ANK1: variants seen among roughly 807,000 people sequenced by gnomAD.
The protein encoded by ANK1 is ankyrin-1.
Under a neutral mutation model 210.4 loss-of-function variants are expected in ANK1, and 51 were observed. The observed-to-expected ratio is 0.24, with a 90% confidence interval of 0.19 to 0.31. The LOEUF (loss-of-function observed/expected upper bound fraction) is 0.31. Ranked by LOEUF, ANK1 falls within the 10% of genes least tolerant of loss-of-function variation. The pLI is 1.00. For missense variants in ANK1, 2,051 were observed against 2,504.4 expected (o/e 0.82, Z 3.86); for synonymous variants, 967 against 1,025.9 (o/e 0.94, Z 1.10).
At chr8:41,716,919 C>T (rs372558511) in intron 13 of ANK1, 34 bp downstream of exon 13, 4 of 1,603,038 alleles carry the variant, frequency 2.5e-6, no homozygotes, top group East Asian at 2.2e-5. Context: ...CTGCTCACAT[C>T]TGAAACCCTT....
intron 12 of ANK1, among the ~76,000 whole-genome samples, chr8:41,717,281 ATGTG>A (rs896224952): frequency 2.0e-5 from 3 of 152,202 alleles, no homozygotes; most frequent in African/African-American, 7.2e-5. Flanking sequence ...ATATGAGTTT[ATGTG>A]TGTGTCTGTG....
chr8:41,792,959 T>C (rs757385412), intron 1 of ANK1, among the ~76,000 whole-genome samples: 8 of 152,216 alleles, frequency 5.3e-5, no homozygotes, highest in Non-Finnish European at 1.2e-4. Flanking sequence ...GACACAGCAG[T>C]GAACAAGGCA....
intron 1 of ANK1, among the ~76,000 whole-genome samples, chr8:41,881,186 T>C (rs60310037): frequency 0.11 from 16,301 of 152,232 alleles, 1,333 homozygotes; most frequent in East Asian, 0.24. Context: ...AGGCTGTGTC[T>C]TCTAGTCTAG....
In ANK1 at chr8:41,893,986, G is replaced by A. The variant is rs1587664853; in HGVS notation, c.126+2369C>T. Among the ~76,000 whole-genome samples, 3 of 152,008 alleles carry A rather than the reference G, an allele frequency of 2.0e-5. 1 individual carries two copies. The highest frequency in any genetic ancestry group is 1.9e-4 in the East Asian group (1 of 5,184). On this transcript the variant is annotated intron_variant, in intron 1 of 42. Transcript: ENST00000265709. ...TTCTTCAAATGCTCCTTTCTGCACT[G>A]CCTCCCTCACCTTTCCCTCTAGAGC...
In ANK1 at chr8:41,653,695, T is replaced by G. The variant is rs1804787471; in HGVS notation, c.*2095A>C. On this transcript the variant is annotated 3_prime_UTR_variant, in exon 43 of 43. Coordinates refer to ENST00000289734, the MANE Select transcript of ANK1 (RefSeq NM_000037.4). ...TCCCAGCCGCGCTGTGCGGCCCCCC[T>G]GCCGTGGCCCCCGGGATGGGGGAGG... is the stretch of plus-strand genomic sequence containing the variant. 6.6e-6 allele frequency: 1 copy of G among 152,268 alleles called. No homozygotes were observed. Among genetic ancestry groups the G allele is most frequent in the South Asian group, 2.1e-4 (1 of 4,834 alleles). The allele number at this position is 152,268 out of a possible 1,614,324, so 9.4% of individuals were successfully genotyped here.
intron 39 of ANK1, chr8:41,665,125 C>A (rs1469071050): frequency 9.0e-6 from 14 of 1,550,374 alleles, no homozygotes. Context: ...CCCCCAGGGA[C>A]CCCTTGCATT....
chr8:41,748,441 C>T (rs1360099437), intron 2 of ANK1, among the ~76,000 whole-genome samples: 1 of 152,310 alleles, frequency 6.6e-6, no homozygotes, highest in Non-Finnish European at 1.5e-5. Flanking sequence ...TAGCTCTAAC[C>T]TCCTTAGCTG....
intron 1 of ANK1, among the ~76,000 whole-genome samples, chr8:41,767,418 G>A (rs1224038024): frequency 3.3e-5 from 5 of 151,616 alleles, no homozygotes; most frequent in African/African-American, 1.2e-4. Flanking sequence ...CCCGGCTCCC[G>A]CTCCCCCTCC....
intron 37 of ANK1, among the ~76,000 whole-genome samples, chr8:41,682,204 C>T (rs544548797): frequency 3.0e-4 from 45 of 152,272 alleles, no homozygotes; most frequent in Non-Finnish European, 5.4e-4. Flanking sequence ...CCTCCAGCCC[C>T]GTCCTGTGAA....
At chr8:41,753,918 C>T (rs748642335) in intron 2 of ANK1, among the ~76,000 whole-genome samples, 1 of 152,164 alleles carries the variant, frequency 6.6e-6, no homozygotes, top group African/African-American at 2.4e-5. Context: ...TCTCTAAGAC[C>T]GGCATGTTCT....
intron 40 of ANK1, 127 bp downstream of exon 40, chr8:41,663,532 G>T: frequency 1.1e-6 from 1 of 925,944 alleles, no homozygotes; most frequent in East Asian, 2.5e-5. Context: ...CCTGAGCACG[G>T]GGGCAGCCAG....
chr8:41,690,125 C>G (rs1818854505), intron 33 of ANK1, 102 bp downstream of exon 33: 1 of 1,562,522 alleles, frequency 6.4e-7, no homozygotes, highest in African/African-American at 1.4e-5. Flanking sequence ...TAAGCTTCCA[C>G]CAGGAAGAAG....
At chr8:41,862,660 CAAAAAAAA>C (rs60114930) in intron 1 of ANK1, among the ~76,000 whole-genome samples, 4 of 99,640 alleles carry the variant, frequency 4.0e-5, no homozygotes, top group African/African-American at 7.1e-5. Flanking sequence ...GAGGCTCAGA[CAAAAAAAA>C]AAAAAAAAAA....
At chr8:41,685,018 T>A (rs549941139) in intron 36 of ANK1, among the ~76,000 whole-genome samples, 21 of 152,252 alleles carry the variant, frequency 1.4e-4, no homozygotes, top group African/African-American at 4.8e-4. Flanking sequence ...ACTGTCCACC[T>A]CCCAGGCTCA....
Position 41,653,959 on chromosome 8 carries a change from A to AT in ANK1, c.*1830dup, listed in dbSNP as rs1804881744. The AT allele has an allele frequency of 6.6e-6, 1 of 151,750 alleles. No homozygotes were observed. The highest frequency in any genetic ancestry group is 1.5e-5 in the Non-Finnish European group (1 of 67,910). The allele number at this position is 151,750 out of a possible 1,614,324, so 9.4% of individuals were successfully genotyped here. On this transcript the variant is annotated 3_prime_UTR_variant, in exon 43 of 43. Coordinates refer to ENST00000289734, the MANE Select transcript of ANK1 (RefSeq NM_000037.4). ...CCTGGCCGGGGGTGCACCGGGGCGGATTTGTGTGGGAAGCAGGGCCCCTCT... is the reference window on the plus strand; with the variant it reads ...CCTGGCCGGGGGTGCACCGGGGCGGATTTTGTGTGGGAAGCAGGGCCCCTCT...
intron 8 of ANK1, 50 bp downstream of exon 8, chr8:41,723,485 A>G (rs1425217824): frequency 6.3e-7 from 1 of 1,582,756 alleles, no homozygotes; most frequent in African/African-American, 1.3e-5. Context: ...GAGGCTTGTG[A>G]GGGGGGACCT....
chr8:41,662,777 C>T (rs897674161), intron 40 of ANK1, among the ~76,000 whole-genome samples: 3 of 152,122 alleles, frequency 2.0e-5, no homozygotes, highest in Admixed American at 6.6e-5. Context: ...AGAGCTGCGC[C>T]TAAGCAGAAG....
intron 5 of ANK1, 106 bp downstream of exon 5, chr8:41,727,144 A>G (rs1830916502): frequency 1.2e-6 from 1 of 840,958 alleles, no homozygotes; most frequent in Non-Finnish European, 2.0e-6. Flanking sequence ...GTCATCCATC[A>G]TGACATGGAT....
chr8:41,672,247 C>G (rs1812643317), intron 38 of ANK1, 107 bp downstream of exon 38: 1 of 1,240,778 alleles, frequency 8.1e-7, no homozygotes, highest in South Asian at 1.3e-5. Context: ...CAATTAGAAC[C>G]CAGGGTCAGG....
Sources: gnomAD v4.1 joint callset for allele counts (sites outside exome capture counted in the v4.1 genomes callset) on GRCh38, gnomAD v4.1.1 for gene constraint, MANE v1.5 for transcripts, NCBI Gene and HGNC (gene_info 2026-07-23, HGNC 2026-07-21) for gene names.